The following NCOA6 variants were observed in gnomAD, a reference collection of about 807,000 sequenced individuals.
NCOA6 encodes nuclear receptor coactivator 6, also known as NRC RAP250.
Under a neutral mutation model 171.4 loss-of-function variants are expected in NCOA6, and 49 were observed. The ratio of observed to expected loss-of-function variants is 0.29; its 90% CI spans 0.23 to 0.36. NCOA6 has a LOEUF of 0.36. NCOA6 is among the 10% of genes least tolerant of loss of function. The pLI is 1.00. For missense variants in NCOA6, 2,248 were observed against 2,554.5 expected (o/e 0.88, Z 2.59); for synonymous variants, 910 against 927.5 (o/e 0.98, Z 0.34).
intron 5 of NCOA6, among the ~76,000 whole-genome samples, chr20:34,764,950 C>T (rs1454112626): frequency 6.6e-6 from 1 of 151,646 alleles, no homozygotes; most frequent in Non-Finnish European, 1.5e-5. Flanking sequence ...CCCATCTCTA[C>T]TAAAAATACA....
At position 34,715,320 on chromosome 20, in the gene NCOA6, G is replaced by T. The variant is rs1442218161; in HGVS notation, c.*2C>A. 1.2e-6 allele frequency: 2 copies of T among 1,614,018 alleles called. No individual in the cohort carries two copies. The highest frequency in any genetic ancestry group is 1.7e-6 in the Non-Finnish European group (2 of 1,179,916). On this transcript the variant is annotated 3_prime_UTR_variant, in exon 15 of 15. Coordinates refer to ENST00000359003, the MANE Select transcript of NCOA6 (RefSeq NM_014071.5). ...CAAGTATCAAGTCGCAGTCCTGCTT[G>T]TTTACTTGGATTTTCTTCGCTTGGA... is the stretch of plus-strand genomic sequence containing the variant.
intron 1 of NCOA6, among the ~76,000 whole-genome samples, chr20:34,799,595 T>C (rs1368026570): frequency 6.6e-6 from 1 of 151,620 alleles, no homozygotes; most frequent in Non-Finnish European, 1.5e-5. Context: ...AGCAAGACAA[T>C]AGAAACAAAT....
intron 1 of NCOA6, among the ~76,000 whole-genome samples, chr20:34,813,451 G>A (rs2078736931): frequency 6.7e-6 from 1 of 149,312 alleles, no homozygotes; most frequent in East Asian, 2.0e-4. Flanking sequence ...GGGCAACAGA[G>A]TGAAACTCTG....
intron 1 of NCOA6, among the ~76,000 whole-genome samples, chr20:34,814,191 T>C (rs189030779): frequency 6.6e-6 from 1 of 151,936 alleles, no homozygotes; most frequent in Non-Finnish European, 1.5e-5. Context: ...ATACAAAAAT[T>C]AGCCAGGCAT....
intron 14 of NCOA6, among the ~76,000 whole-genome samples, chr20:34,723,954 T>TAGGCTATGTAATAACATAC: frequency 6.6e-6 from 1 of 152,346 alleles, no homozygotes; most frequent in South Asian, 2.1e-4. Flanking sequence ...TACCATATTC[T>TAGGCTATGTAATAACATAC]ATAGCCTAGA....
rs2076176733 is a variant in NCOA6, at chr20:34,742,524, G to C, written c.3732C>G (p.Leu1244=). 6.2e-7 allele frequency: 1 copy of C among 1,614,202 alleles called. No homozygotes were observed. Among genetic ancestry groups the C allele is most frequent in the African/African-American group, 1.3e-5 (1 of 75,042 alleles). ...PSEISLSPER[L]NASIAGLFPP... is the part of the protein sequence containing the mutation. The stretch of plus-strand genomic sequence containing the variant: ...GGAAGAGTCCTGCTATGGAGGCATT[G>C]AGTCTTTCTGGTGACAGACTGATTT... The change falls in exon 11 of 15, where the codon CTC becomes CTG. Residue 1244 remains leucine, a synonymous_variant. Transcript: ENST00000359003.
intron 13 of NCOA6, among the ~76,000 whole-genome samples, chr20:34,730,429 A>T (rs1990477680): frequency 6.6e-6 from 1 of 152,088 alleles, no homozygotes; most frequent in Non-Finnish European, 1.5e-5. Context: ...TGGCAAAACA[A>T]AAGCCACAGC....
chr20:34,757,842 A>G lies in NCOA6; in HGVS notation c.906T>C (p.Ile302=). 6.2e-7 allele frequency: 1 copy of G among 1,613,942 alleles called. No homozygotes were observed. The highest frequency in any genetic ancestry group is 8.5e-7 in the Non-Finnish European group (1 of 1,179,996). ...GAGTTGGGGCAGTAAACTGGGGTCGAATTCCCTGTGGCTGTTGCTGCTGAT... is the reference window on the plus strand; with the variant it reads ...GAGTTGGGGCAGTAAACTGGGGTCGGATTCCCTGTGGCTGTTGCTGCTGAT... ...QQHQQQQPQG[I]RPQFTAPTQV... is the part of the protein sequence containing the mutation. The change falls in exon 7 of 15, where the codon ATT becomes ATC. Residue 302 remains isoleucine, a synonymous_variant. Coordinates refer to ENST00000359003, the MANE Select transcript of NCOA6 (RefSeq NM_014071.5).
Position 34,750,400 on chromosome 20 carries a change from A to C in NCOA6, c.1795T>G (p.Ser599Ala), listed in dbSNP as rs141999990. The change falls in exon 9 of 15, where the codon TCT becomes GCT. Residue 599 changes from serine (S) to alanine (A), a missense_variant. By Grantham distance (99) the Ser-to-Ala change is moderately conservative. Around this residue, in one of 7 missense-constraint regions of NCOA6, gnomAD observed 987 missense variants for 1,104.7 expected, o/e 0.89. Transcript: ENST00000359003. The part of the protein sequence containing the change: ...GNMNNQQAGT[S>A]GVPQVNLSNM... ...CTGAGGTTCACTTGAGGAACCCCAG[A>C]AGTACCAGCCTGCTGATTGTTCATG... 3 of 1,613,964 alleles carry C rather than the reference A, an allele frequency of 1.9e-6. No individual in the cohort carries two copies. The African/African-American group carries it at 4.0e-5, about 22-fold the overall frequency.
chr20:34,815,463 T>C (rs1225645632), intron 1 of NCOA6, among the ~76,000 whole-genome samples: 5 of 152,174 alleles, frequency 3.3e-5, no homozygotes, highest in Non-Finnish European at 7.3e-5. Flanking sequence ...CTCAATTCTA[T>C]TTGTTATTTT....
chr20:34,786,193 C>T (rs1374264132), intron 2 of NCOA6, among the ~76,000 whole-genome samples: 1 of 152,016 alleles, frequency 6.6e-6, no homozygotes, highest in Non-Finnish European at 1.5e-5. Flanking sequence ...GTGATAGCCC[C>T]CTTATCATTT....
At chr20:34,730,061 T>A (rs543536459) in intron 13 of NCOA6, among the ~76,000 whole-genome samples, 3 of 85,352 alleles carry the variant, frequency 3.5e-5, no homozygotes, top group East Asian at 3.2e-4. Context: ...GTTCTTTTTT[T>A]AAAAAAAATT....
intron 2 of NCOA6, among the ~76,000 whole-genome samples, chr20:34,782,821 CCTT>C (rs1373363863): frequency 6.6e-6 from 1 of 152,144 alleles, no homozygotes; most frequent in African/African-American, 2.4e-5. Flanking sequence ...GTTTCTAAAG[CCTT>C]CTTCTTTCTC....
intron 14 of NCOA6, among the ~76,000 whole-genome samples, chr20:34,722,579 C>G (rs947335052): frequency 6.0e-5 from 9 of 150,164 alleles, no homozygotes; most frequent in African/African-American, 2.2e-4. Context: ...ACTTGGGAAG[C>G]TGAGGCAGAA....
chr20:34,801,542 C>T (rs1281400409), intron 1 of NCOA6, among the ~76,000 whole-genome samples: 1 of 152,070 alleles, frequency 6.6e-6, no homozygotes, highest in Non-Finnish European at 1.5e-5. Flanking sequence ...TTCAAAGGAT[C>T]GTTAGAGGCT....
At chr20:34,764,803 A>G (rs943807405) in intron 5 of NCOA6, among the ~76,000 whole-genome samples, 2 of 151,936 alleles carry the variant, frequency 1.3e-5, no homozygotes, top group Admixed American at 1.3e-4. Flanking sequence ...TAAAGATGGT[A>G]GTTAGACAGT....
chr20:34,796,456 C>CA (rs2078078258), intron 1 of NCOA6, among the ~76,000 whole-genome samples: 1 of 151,288 alleles, frequency 6.6e-6, no homozygotes, highest in African/African-American at 2.4e-5. Flanking sequence ...CCTGCCTCTA[C>CA]AAAAAAATAC....
intron 13 of NCOA6, among the ~76,000 whole-genome samples, chr20:34,731,895 C>G (rs2075792710): frequency 6.6e-6 from 1 of 152,146 alleles, no homozygotes; most frequent in South Asian, 2.1e-4. Flanking sequence ...GTGGTACATA[C>G]CTGTAATCCC....
At chr20:34,818,811 G>A (rs2078920062) in intron 1 of NCOA6, among the ~76,000 whole-genome samples, 1 of 152,150 alleles carries the variant, frequency 6.6e-6, no homozygotes, top group Non-Finnish European at 1.5e-5. Context: ...TACATGGTAG[G>A]GCTCAACAAA....
Sources: allele counts gnomAD v4.1 joint callset (sites outside exome capture counted in the v4.1 genomes callset), GRCh38; gene constraint gnomAD v4.1.1; regional missense constraint gnomAD v4.1.1; transcripts MANE v1.5; gene names NCBI Gene and HGNC (gene_info 2026-07-23, HGNC 2026-07-21).